The following CEP290 variants were observed in gnomAD, a reference collection of about 807,000 sequenced individuals.
The protein encoded by CEP290 is centrosomal protein of 290 kDa.
Under a neutral mutation model 344.9 loss-of-function variants are expected in CEP290, and 317 were observed. That is an observed-to-expected ratio of 0.92 (90% confidence interval 0.84 to 1.01). CEP290 has a LOEUF of 1.01. Ranked by LOEUF, CEP290 falls within the 50% of genes least tolerant of loss-of-function variation. The pLI is 0.00. For synonymous variants in CEP290, 932 were observed against 895.8 expected (o/e 1.04, Z -0.72); for missense variants, 2,754 against 2,761.4 (o/e 1.00, Z 0.06).
intron 18 of CEP290, chr12:88,116,128 T>C (rs144989691): frequency 0.04 from 36,996 of 915,608 alleles, 842 homozygotes; most frequent in Non-Finnish European, 0.045. Context: ...GATGAATTGC[T>C]TTTTTGTACA....
chr12:88,125,069 A>C (rs1304855291), intron 13 of CEP290, among the ~76,000 whole-genome samples, 177 bp downstream of exon 13: 2 of 151,970 alleles, frequency 1.3e-5, no homozygotes, highest in East Asian at 3.8e-4. Flanking sequence ...TGCATCCATC[A>C]TTTACAAATG....
At chr12:88,093,624 T>C (rs2137359409) in intron 28 of CEP290, 146 bp downstream of exon 28, 1 of 578,078 alleles carries the variant, frequency 1.7e-6, no homozygotes, top group East Asian at 2.9e-5. Context: ...CAGATTTAAA[T>C]CTTTTATTTA....
intron 46 of CEP290, among the ~76,000 whole-genome samples, chr12:88,062,280 G>A (rs942065588): frequency 3.4e-4 from 52 of 151,910 alleles, no homozygotes; most frequent in African/African-American, 1.1e-3. Flanking sequence ...AAATAACATA[G>A]GGAGAAAATT....
chr12:88,060,500 C>A lies in CEP290; in HGVS notation c.6522+330G>T, dbSNP rs888076154. Among the ~76,000 whole-genome samples the A allele has an allele frequency of 1.4e-4, 21 of 151,834 alleles. 1 individual carries two copies. Among genetic ancestry groups the A allele is most frequent in the Admixed American group, 8.5e-4 (13 of 15,260 alleles). On this transcript the variant is annotated intron_variant, in intron 47 of 53. Transcript: ENST00000552810. ...GCATGAACCCGGGAGGCAGAGCTTG[C>A]AGTGAGTCAAGATTGCACCACTGCA... is the stretch of plus-strand genomic sequence containing the variant.
intron 43 of CEP290, among the ~76,000 whole-genome samples, chr12:88,068,948 A>G (rs1232357462): frequency 1.3e-5 from 2 of 152,180 alleles, no homozygotes; most frequent in Non-Finnish European, 2.9e-5. Flanking sequence ...ATGGAATTAC[A>G]TAAGACAGTT....
chr12:88,073,470 C>A (rs1033893854), intron 41 of CEP290, among the ~76,000 whole-genome samples: 2 of 152,064 alleles, frequency 1.3e-5, no homozygotes, highest in African/African-American at 2.4e-5. Flanking sequence ...TTTTATGTTC[C>A]CCCTATATAT....
At chr12:88,086,259 G>T in intron 33 of CEP290, 86 bp from the exon 34 acceptor site, 1 of 1,505,000 alleles carries the variant, frequency 6.6e-7, no homozygotes, top group Non-Finnish European at 9.0e-7. Flanking sequence ...ATAAAACATA[G>T]ATTAAACCCC....
chr12:88,085,068 A>G (rs912126060), intron 34 of CEP290, among the ~76,000 whole-genome samples: 1 of 152,156 alleles, frequency 6.6e-6, no homozygotes. Context: ...CATATGCTAG[A>G]AACTTCATTG....
In CEP290 at chr12:88,089,033, T is replaced by A; in HGVS notation, c.4028A>T (p.Lys1343Met). The A allele has an allele frequency of 1.3e-6, 2 of 1,494,982 alleles. No individual in the cohort carries two copies. Among genetic ancestry groups the A allele is most frequent in the Non-Finnish European group, 1.8e-6 (2 of 1,123,546 alleles). The allele number at this position is 1,494,982 out of a possible 1,614,324, so 92.6% of individuals were successfully genotyped here. A position where few individuals can be genotyped will look rare whatever the true frequency, so the allele number is the denominator to read the frequency against. ...STLKDTKGAQ[K>M]VINWHMKIEE... ...AAAAAATCAAGTTTAAATGTTTACC[T>A]TTTGGGCTCCTTTGGTATCCTTTAA... Residue 1343 changes from lysine to methionine, a missense_variant and splice_region_variant, in exon 31 of 54, where the codon AAG (lysine) becomes ATG (methionine). Coordinates refer to ENST00000552810, the MANE Select transcript of CEP290 (RefSeq NM_025114.4).
In CEP290 at chr12:88,089,054, T is replaced by A; in HGVS notation, c.4007A>T (p.Lys1336Met). ...TACCTTTTGGGCTCCTTTGGTATCC[T>A]TTAAAGTGCTTATTAACTCTTCCAG... Reference protein sequence around the residue: ...KGLEELISTLKDTKGAQKVIN... With the variant: ...KGLEELISTLMDTKGAQKVIN... The change falls in exon 31 of 54, where the codon AAG becomes ATG. Residue 1336 changes from lysine (K) to methionine (M), a missense_variant. By Grantham distance (95) the Lys-to-Met change is moderately conservative (BLOSUM62 -1). Transcript: ENST00000552810. 1 of 1,520,780 alleles carries A rather than the reference T, an allele frequency of 6.6e-7. No homozygotes were observed. Among genetic ancestry groups the A allele is most frequent in the Non-Finnish European group, 8.8e-7 (1 of 1,138,642 alleles). The allele number at this position is 1,520,780 out of a possible 1,614,324, so 94.2% of individuals were successfully genotyped here. A position where few individuals can be genotyped will look rare whatever the true frequency, so the allele number is the denominator to read the frequency against.
rs759346674 is a variant in CEP290 at position 88,077,915 on chromosome 12, G to C, written c.5368C>G (p.Gln1790Glu). ...VDRHTRELKT[Q>E]VEDLNENLLK... The stretch of plus-strand genomic sequence containing the variant: ...AGATTTTCATTTAAATCTTCAACTT[G>C]TGTCTAATAAGAGAAAAAGAAAGGT... The change falls in exon 40 of 54, where the codon CAA becomes GAA. Residue 1790 changes from glutamine (Q) to glutamate (E), a missense_variant. Physicochemically the swap from Gln to Glu is conservative, Grantham distance 29. Coordinates refer to ENST00000552810, the MANE Select transcript of CEP290 (RefSeq NM_025114.4). 2.4e-6 allele frequency: 3 copies of C among 1,253,480 alleles called. No individual in the cohort carries two copies. The highest frequency in any genetic ancestry group is 3.3e-6 in the Non-Finnish European group (3 of 907,082). 77.6% of individuals were successfully genotyped at this position (1,253,480 alleles called of 1,614,324 possible). A position where few individuals can be genotyped will look rare whatever the true frequency, so the allele number is the denominator to read the frequency against.
At position 88,111,125 on chromosome 12, in the gene CEP290, C is replaced by A. The variant is rs533011319; in HGVS notation, c.2367+77G>T. The A allele has an allele frequency of 8.6e-6, 7 of 809,402 alleles. No individual in the cohort carries two copies. The East Asian group carries it at 2.4e-4, about 27-fold the overall frequency. The allele number at this position is 809,402 out of a possible 1,614,324, so 50.1% of individuals were successfully genotyped here. A position where few individuals can be genotyped will look rare whatever the true frequency, so the allele number is the denominator to read the frequency against. On this transcript the variant is annotated intron_variant, in intron 22 of 53. Transcript: ENST00000552810. The stretch of plus-strand genomic sequence containing the variant: ...AAATAAAGTAAAATAAAAATAAAAA[C>A]ATAAAGAAACATACTACCAATGATT...
At chr12:88,098,396 G>A (rs976036638) in intron 26 of CEP290, among the ~76,000 whole-genome samples, 1 of 151,628 alleles carries the variant, frequency 6.6e-6, no homozygotes, top group Non-Finnish European at 1.5e-5. Context: ...AATCACTTGA[G>A]TCCAGGAGTT....
intron 25 of CEP290, among the ~76,000 whole-genome samples, chr12:88,105,336 T>C (rs1014996161): frequency 2.0e-5 from 3 of 152,188 alleles, no homozygotes; most frequent in African/African-American, 7.2e-5. Context: ...TCTGTGAGTC[T>C]AATCTGATAC....
chr12:88,062,843 A>C, intron 45 of CEP290, 65 bp from the exon 46 acceptor site: 1 of 989,572 alleles, frequency 1.0e-6, no homozygotes, highest in Non-Finnish European at 1.5e-6. Flanking sequence ...AGAAAAGGCA[A>C]ACAATTCATA....
chr12:88,058,801 A>C lies in CEP290; in HGVS notation c.6818+47T>G, dbSNP rs953084294. The C allele has an allele frequency of 1.9e-6, 3 of 1,589,392 alleles. No individual in the cohort carries two copies. The East Asian group carries it at 6.7e-5, about 36-fold the overall frequency. Reference sequence around the variant, plus strand: ...GTGTTGTCTTTTAAAACAATGCCAAAATTTGAAATGATTAAACTTTGTACA... The same window carrying C: ...GTGTTGTCTTTTAAAACAATGCCAACATTTGAAATGATTAAACTTTGTACA... On this transcript the variant is annotated intron_variant, in intron 49 of 53. Coordinates refer to ENST00000552810, the MANE Select transcript of CEP290 (RefSeq NM_025114.4).
At chr12:88,111,075 G>T (rs1459415926) in intron 22 of CEP290, 127 bp downstream of exon 22, 2 of 494,714 alleles carry the variant, frequency 4.0e-6, no homozygotes, top group East Asian at 3.6e-5. Context: ...AGTACTATCT[G>T]CATGCTTTGG....
chr12:88,067,429 G>A (rs1283542125), intron 44 of CEP290, among the ~76,000 whole-genome samples: 1 of 152,120 alleles, frequency 6.6e-6, no homozygotes. Context: ...GCCAAACCAG[G>A]GACGCGTCCT....
chr12:88,131,345 C>T, intron 6 of CEP290, 127 bp from the exon 7 acceptor site: 1 of 575,834 alleles, frequency 1.7e-6, no homozygotes, highest in Non-Finnish European at 2.9e-6. Context: ...CTCACTGCAA[C>T]CTCTGCCTCC....
Sources: gnomAD v4.1 joint callset for allele counts (sites outside exome capture counted in the v4.1 genomes callset) on GRCh38, gnomAD v4.1.1 for gene constraint, MANE v1.5 for transcripts, NCBI Gene and HGNC (gene_info 2026-07-23, HGNC 2026-07-21) for gene names.